The following SGCZ variants were observed in gnomAD, a reference collection of about 807,000 sequenced individuals.
The protein encoded by SGCZ is zeta-sarcoglycan.
Under a neutral mutation model 41.3 loss-of-function variants are expected in SGCZ, and 40 were observed. That is an observed-to-expected ratio of 0.97 (90% confidence interval 0.75 to 1.26). The LOEUF (loss-of-function observed/expected upper bound fraction) is 1.26. Ranked by LOEUF, SGCZ falls within the 50% of genes most tolerant of loss-of-function variation. The pLI, the probability that SGCZ is intolerant of heterozygous loss-of-function variation, is 0.00. For synonymous variants in SGCZ, 206 were observed against 137.5 expected (o/e 1.50, Z -3.49); for missense variants, 552 against 369.8 (o/e 1.49, Z -4.04).
intron 3 of SGCZ, among the ~76,000 whole-genome samples, chr8:14,253,044 A>G (rs1365642): frequency 0.67 from 101,404 of 151,726 alleles, 34,283 homozygotes; most frequent in South Asian, 0.78. Context: ...TGCATAACCA[A>G]TGAACTCATT....
intron 1 of SGCZ, among the ~76,000 whole-genome samples, chr8:14,931,189 C>G (rs1055640927): frequency 3.3e-5 from 5 of 151,816 alleles, no homozygotes; most frequent in Admixed American, 6.6e-5. Flanking sequence ...TTGCTGGATT[C>G]TTGATTACAT....
At chr8:15,102,408 G>T (rs1487114976) in intron 1 of SGCZ, among the ~76,000 whole-genome samples, 2 of 152,106 alleles carry the variant, frequency 1.3e-5, no homozygotes, top group Admixed American at 1.3e-4. Flanking sequence ...AGTTTTTAGG[G>T]CAGTGAAACT....
chr8:14,891,317 A>G (rs955819899), intron 1 of SGCZ, among the ~76,000 whole-genome samples: 1 of 152,232 alleles, frequency 6.6e-6, no homozygotes, highest in Admixed American at 6.5e-5. Context: ...AGGTCAAAAT[A>G]GAAACATTAA....
At chr8:14,401,761 T>C (rs1799083421) in intron 2 of SGCZ, among the ~76,000 whole-genome samples, 1 of 151,414 alleles carries the variant, frequency 6.6e-6, no homozygotes, top group African/African-American at 2.4e-5. Context: ...TGTGCATGTA[T>C]CTTCATAGCA....
intron 1 of SGCZ, among the ~76,000 whole-genome samples, chr8:14,652,582 T>A (rs1409111685): frequency 6.6e-6 from 1 of 151,978 alleles, no homozygotes; most frequent in African/African-American, 2.4e-5. Flanking sequence ...CCAGTAAGCA[T>A]ATGAAGGCTC....
intron 2 of SGCZ, among the ~76,000 whole-genome samples, chr8:14,481,609 G>T (rs1479055891): frequency 6.6e-6 from 1 of 152,068 alleles, no homozygotes; most frequent in Non-Finnish European, 1.5e-5. Context: ...GAAGACACAA[G>T]GATTTTGTAA....
At chr8:14,305,119 ATATCT>A (rs1453805564) in intron 3 of SGCZ, among the ~76,000 whole-genome samples, 2 of 152,172 alleles carry the variant, frequency 1.3e-5, no homozygotes, top group Non-Finnish European at 2.9e-5. Flanking sequence ...GATTTAGTAC[ATATCT>A]TATTTTACTG....
intron 1 of SGCZ, among the ~76,000 whole-genome samples, chr8:14,971,728 C>T (rs1801304634): frequency 6.8e-6 from 1 of 147,786 alleles, no homozygotes; most frequent in African/African-American, 2.5e-5. Flanking sequence ...AGGCTGACTG[C>T]AACCTCCACC....
intron 1 of SGCZ, among the ~76,000 whole-genome samples, chr8:14,740,125 A>G (rs1585222621): frequency 1.3e-5 from 2 of 152,104 alleles, no homozygotes; most frequent in South Asian, 4.1e-4. Flanking sequence ...AGCATTATAT[A>G]ACTTCTAGAG....
chr8:14,155,687 T>A (rs899723095), intron 5 of SGCZ, among the ~76,000 whole-genome samples: 4 of 150,530 alleles, frequency 2.7e-5, no homozygotes, highest in African/African-American at 9.7e-5. Flanking sequence ...AAACGTATTG[T>A]CATTATATAT....
chr8:14,633,242 A>G (rs1398218780), intron 1 of SGCZ, among the ~76,000 whole-genome samples: 2 of 151,974 alleles, frequency 1.3e-5, no homozygotes, highest in African/African-American at 4.8e-5. Context: ...TTCTGTATAT[A>G]GACAGCACAG....
At chr8:15,009,819 A>AT (rs1319878098) in intron 1 of SGCZ, among the ~76,000 whole-genome samples, 2 of 152,120 alleles carry the variant, frequency 1.3e-5, no homozygotes, top group Non-Finnish European at 2.9e-5. Context: ...GCCTCTGTCC[A>AT]TTTTTTTAAA....
chr8:14,606,653 T>TA (rs1805759436), intron 1 of SGCZ, among the ~76,000 whole-genome samples: 3 of 152,186 alleles, frequency 2.0e-5, no homozygotes, highest in Admixed American at 2.0e-4. Context: ...TGTTTTCCCT[T>TA]ACTAGACTAA....
intron 1 of SGCZ, among the ~76,000 whole-genome samples, chr8:14,892,640 A>C (rs1181244383): frequency 1.3e-5 from 2 of 152,214 alleles, no homozygotes; most frequent in Non-Finnish European, 2.9e-5. Context: ...TAAATATGCA[A>C]GAAAAAATAA....
chr8:14,668,044 C>A (rs564723479), intron 1 of SGCZ, among the ~76,000 whole-genome samples: 27 of 152,264 alleles, frequency 1.8e-4, no homozygotes, highest in African/African-American at 5.8e-4. Context: ...GCAACCTCCG[C>A]CTCCCAGGTT....
At chr8:14,450,812 C>T (rs1163749354) in intron 2 of SGCZ, among the ~76,000 whole-genome samples, 4 of 152,150 alleles carry the variant, frequency 2.6e-5, no homozygotes, top group Non-Finnish European at 4.4e-5. Flanking sequence ...ACACTAAGGA[C>T]AGAATTACCT....
intron 1 of SGCZ, among the ~76,000 whole-genome samples, chr8:15,125,651 G>T (rs554496534): frequency 1.3e-5 from 2 of 151,976 alleles, no homozygotes; most frequent in South Asian, 4.2e-4. Context: ...TGATTAGATA[G>T]AATAGTTATG....
chr8:15,087,044 A>G (rs1173272083), intron 1 of SGCZ, among the ~76,000 whole-genome samples: 1 of 152,136 alleles, frequency 6.6e-6, no homozygotes, highest in East Asian at 1.9e-4. Context: ...TTTAGCTCAC[A>G]TTTGTCCTAA....
At chr8:14,256,361 A>T (rs1410086649) in intron 3 of SGCZ, among the ~76,000 whole-genome samples, 1 of 151,350 alleles carries the variant, frequency 6.6e-6, no homozygotes, top group Non-Finnish European at 1.5e-5. Flanking sequence ...GTGCACTTTA[A>T]CACCAGTCAG....
Sources: allele counts gnomAD v4.1 joint callset (sites outside exome capture counted in the v4.1 genomes callset), GRCh38; gene constraint gnomAD v4.1.1; transcripts MANE v1.5; gene names NCBI Gene and HGNC (gene_info 2026-07-23, HGNC 2026-07-21).